The following KIF16B variants were observed in gnomAD, a reference collection of about 807,000 sequenced individuals.
KIF16B encodes kinesin-like protein KIF16B.
In KIF16B, 98 loss-of-function variants were observed where a neutral mutation model predicts 156.3. The observed-to-expected ratio is 0.63, with a 90% CI of 0.53 to 0.74. KIF16B has a LOEUF of 0.74. KIF16B is among the 30% of genes least tolerant of loss of function. The pLI, the probability that KIF16B is intolerant of heterozygous loss-of-function variation, is 0.00. For missense variants in KIF16B, 1,421 were observed against 1,606.5 expected (o/e 0.88, Z 1.97); for synonymous variants, 564 against 583.7 (o/e 0.97, Z 0.49).
At chr20:16,372,728 G>A (rs1319635763) in intron 20 of KIF16B, among the ~76,000 whole-genome samples, 4 of 152,124 alleles carry the variant, frequency 2.6e-5, no homozygotes, top group South Asian at 2.1e-4. Flanking sequence ...ACAGAGTCTC[G>A]CTCTTGTCTC....
intron 18 of KIF16B, among the ~76,000 whole-genome samples, chr20:16,381,428 G>T (rs568446477): frequency 1.3e-5 from 2 of 151,580 alleles, no homozygotes; most frequent in Non-Finnish European, 1.5e-5. Flanking sequence ...AAATTTAATT[G>T]GTGTGTTAAA....
At chr20:16,333,912 A>G (rs1048489896) in intron 24 of KIF16B, among the ~76,000 whole-genome samples, 1 of 152,176 alleles carries the variant, frequency 6.6e-6, no homozygotes, top group Non-Finnish European at 1.5e-5. Flanking sequence ...TAATTTTCAT[A>G]TAAGGCATGT....
intron 1 of KIF16B, among the ~76,000 whole-genome samples, chr20:16,567,034 G>A (rs944024574): frequency 6.6e-6 from 1 of 152,108 alleles, no homozygotes; most frequent in East Asian, 1.9e-4. Flanking sequence ...AAATAAACAT[G>A]TTCCTACCTT....
intron 12 of KIF16B, among the ~76,000 whole-genome samples, chr20:16,450,301 C>G (rs565270325): frequency 3.7e-4 from 57 of 152,134 alleles, no homozygotes; most frequent in Non-Finnish European, 7.8e-4. Flanking sequence ...GGACTCATCT[C>G]AAAAGAAATG....
At chr20:16,332,560 G>C (rs1352301686) in intron 24 of KIF16B, among the ~76,000 whole-genome samples, 1 of 152,078 alleles carries the variant, frequency 6.6e-6, no homozygotes, top group Non-Finnish European at 1.5e-5. Context: ...CCTTATGTGA[G>C]AGTAATTATA....
chr20:16,427,222 C>T lies in KIF16B; in HGVS notation c.1494G>A (p.Leu498=). The part of the protein sequence containing the change: ...EQDIVLHGLD[L]ESEHCIFENI... ...TTTCAAAGATGCAATGCTCACTCTCCAAGTCAAGGCCATGAAGAACTAAAG... is the reference window on the plus strand; with the variant it reads ...TTTCAAAGATGCAATGCTCACTCTCTAAGTCAAGGCCATGAAGAACTAAAG... Residue 498 remains leucine, a synonymous_variant, in exon 15 of 26, where the codon TTG becomes TTA. Transcript: ENST00000354981. The T allele has an allele frequency of 6.2e-7, 1 of 1,611,466 alleles. No individual in the cohort carries two copies. Among genetic ancestry groups the T allele is most frequent in the Non-Finnish European group, 8.5e-7 (1 of 1,178,848 alleles).
intron 12 of KIF16B, among the ~76,000 whole-genome samples, chr20:16,476,569 A>G (rs939567046): frequency 6.6e-6 from 1 of 152,204 alleles, no homozygotes; most frequent in African/African-American, 2.4e-5. Context: ...AAATCTCTAA[A>G]GGAGAACAAT....
At chr20:16,463,870 G>A (rs897601932) in intron 12 of KIF16B, among the ~76,000 whole-genome samples, 1 of 152,140 alleles carries the variant, frequency 6.6e-6, no homozygotes. Context: ...ATTTTTTAAT[G>A]ACAGATCACA....
intron 4 of KIF16B, among the ~76,000 whole-genome samples, chr20:16,513,656 G>A (rs34902472): frequency 0.15 from 11,861 of 77,888 alleles, 579 homozygotes; most frequent in African/African-American, 0.23. Context: ...GCAAAACTAC[G>A]TTTAAAAAAA....
At chr20:16,300,151 A>G (rs551692513) in intron 25 of KIF16B, among the ~76,000 whole-genome samples, 1 of 152,282 alleles carries the variant, frequency 6.6e-6, no homozygotes, top group Admixed American at 6.5e-5. Flanking sequence ...CGGAAAGGGA[A>G]TCCCACTAGG....
intron 15 of KIF16B, among the ~76,000 whole-genome samples, chr20:16,419,535 T>G (rs1342397934): frequency 6.6e-6 from 1 of 152,174 alleles, no homozygotes; most frequent in Non-Finnish European, 1.5e-5. Context: ...CTTGAATAGA[T>G]GAAAATATAT....
At chr20:16,551,515 C>G (rs1172685170) in intron 1 of KIF16B, among the ~76,000 whole-genome samples, 1 of 152,186 alleles carries the variant, frequency 6.6e-6, no homozygotes, top group South Asian at 2.1e-4. Context: ...CTTGCTGGTG[C>G]CTGTACCTCC....
intron 12 of KIF16B, among the ~76,000 whole-genome samples, chr20:16,483,346 T>C (rs1454838228): frequency 6.6e-6 from 1 of 152,162 alleles, no homozygotes; most frequent in Non-Finnish European, 1.5e-5. Flanking sequence ...TGTTATTCAA[T>C]GTAAATAAAC....
chr20:16,502,131 A>C (rs975004886), intron 10 of KIF16B, among the ~76,000 whole-genome samples: 2 of 152,206 alleles, frequency 1.3e-5, no homozygotes, highest in Non-Finnish European at 2.9e-5. Context: ...ACTCTGATGC[A>C]CATGACTTTT....
At chr20:16,496,930 T>G (rs956716583) in intron 11 of KIF16B, among the ~76,000 whole-genome samples, 1 of 152,214 alleles carries the variant, frequency 6.6e-6, no homozygotes, top group Non-Finnish European at 1.5e-5. Context: ...CCAATTCTTT[T>G]TCAATCTGTC....
intron 23 of KIF16B, among the ~76,000 whole-genome samples, chr20:16,339,759 C>T (rs544608010): frequency 1.3e-5 from 2 of 152,278 alleles, no homozygotes; most frequent in African/African-American, 4.8e-5. Context: ...TCCAGTCAGT[C>T]GGTGAATCCC....
intron 25 of KIF16B, among the ~76,000 whole-genome samples, chr20:16,281,388 G>T (rs1398244591): frequency 6.6e-6 from 1 of 152,044 alleles, no homozygotes; most frequent in Non-Finnish European, 1.5e-5. Context: ...ATCCACTGAT[G>T]GGCCCTGAAG....
chr20:16,496,644 A>G (rs992434148), intron 11 of KIF16B, among the ~76,000 whole-genome samples: 3 of 152,222 alleles, frequency 2.0e-5, no homozygotes, highest in African/African-American at 7.2e-5. Context: ...TTAGTTTCCA[A>G]TAACTTATTT....
chr20:16,501,085 C>T (rs181643727), intron 10 of KIF16B, among the ~76,000 whole-genome samples: 12 of 152,160 alleles, frequency 7.9e-5, no homozygotes, highest in East Asian at 7.7e-4. Flanking sequence ...TTCAAATACT[C>T]AGCTTCATCA....
Sources: gnomAD v4.1 joint callset for allele counts (sites outside exome capture counted in the v4.1 genomes callset) on GRCh38, gnomAD v4.1.1 for gene constraint, MANE v1.5 for transcripts, NCBI Gene and HGNC (gene_info 2026-07-23, HGNC 2026-07-21) for gene names.